The following PUS3 variants were observed in gnomAD, a reference collection of about 807,000 sequenced individuals.
PUS3 encodes the protein tRNA pseudouridine(38/39) synthase.
In PUS3, 36 loss-of-function variants were observed where a neutral mutation model predicts 43.3. The observed-to-expected ratio is 0.83, with a 90% CI of 0.64 to 1.10. The LOEUF is 1.10. PUS3 is among the 50% of genes least tolerant of loss of function. The pLI is 0.00. For synonymous variants in PUS3, 183 were observed against 199.2 expected (o/e 0.92, Z 0.69); for missense variants, 544 against 589.9 (o/e 0.92, Z 0.81).
At chr11:125,894,651 A>T (rs187915258) in intron 3 of PUS3, among the ~76,000 whole-genome samples, 1 of 152,364 alleles carries the variant, frequency 6.6e-6, no homozygotes, top group East Asian at 1.9e-4. Context: ...GCCTGTTCTC[A>T]AATGAAAAAT....
chr11:125,902,398 G>A (rs1944801855), intron 1 of PUS3, among the ~76,000 whole-genome samples: 1 of 151,986 alleles, frequency 6.6e-6, no homozygotes, highest in Non-Finnish European at 1.5e-5. Flanking sequence ...GGGGTCGCTC[G>A]AAGTCAGGAG....
chr11:125,900,080 C>G (rs367894289), intron 1 of PUS3: 1 of 1,614,144 alleles, frequency 6.2e-7, no homozygotes, highest in South Asian at 1.1e-5. Flanking sequence ...AAAGGAATTA[C>G]GCTGGGGTGT....
At chr11:125,900,561 C>T (rs886047940) in intron 1 of PUS3, 122 of 403,986 alleles carry the variant, frequency 3.0e-4, no homozygotes, top group Non-Finnish European at 5.3e-4. Context: ...CTTTTTTTAC[C>T]TATCAATATG....
rs144833612 is a variant in PUS3, at chr11:125,893,936, C to T, written c.1295G>A (p.Arg432His). 1.5e-5 allele frequency: 25 copies of T among 1,614,036 alleles called. No homozygotes were observed. Among genetic ancestry groups the T allele is most frequent in the African/African-American group, 9.3e-5 (7 of 74,906 alleles). Reference protein sequence around the residue: ...GLESRIQHFVRRGRIEHPHLF... With the variant: ...GLESRIQHFVHRGRIEHPHLF... ...ATGTGGGTGCTCAATTCGTCCCCTA[C>T]GTACAAAATGCTGGATCCGGGATTC... The change falls in exon 4 of 4, where the codon CGT becomes CAT. Residue 432 changes from arginine to histidine, a missense_variant. Transcript: ENST00000227474.
intron 1 of PUS3, among the ~76,000 whole-genome samples, chr11:125,897,241 A>G (rs1252303748): frequency 1.3e-5 from 2 of 152,194 alleles, no homozygotes; most frequent in Non-Finnish European, 2.9e-5. Flanking sequence ...TTCTGTATCT[A>G]TAATAGATTA....
rs3088241 is a variant in PUS3, at chr11:125,893,851, C to G, written c.1380G>C (p.Glu460Asp). The change falls in exon 4 of 4, where the codon GAG (glutamate) becomes GAC (aspartate). Residue 460 changes from glutamate (E) to aspartate (D), a missense_variant. Coordinates refer to ENST00000227474, the MANE Select transcript of PUS3 (RefSeq NM_031307.4). ...KRDCNDTLEEENTNLETPTKR... is the reference protein window; with the variant it reads ...KRDCNDTLEEDNTNLETPTKR... ...TCGTTGGTGTCTCCAAATTAGTATT[C>G]TCTTCCTCTAGTGTGTCATTACAGT... The G allele has an allele frequency of 0.5, 804,214 of 1,613,484 alleles. 201,370 individuals are homozygous for G. The highest frequency in any genetic ancestry group is 0.54 in the East Asian group (24,201 of 44,856).
chr11:125,894,438 C>T (rs1944513547), intron 3 of PUS3, 152 bp from the exon 4 acceptor site: 1 of 623,210 alleles, frequency 1.6e-6, no homozygotes. Flanking sequence ...CTCACCATCC[C>T]TAACCTTGAA....
At position 125,893,536 on chromosome 11, in the gene PUS3, G is replaced by A. The variant is rs1348966738; in HGVS notation, c.*249C>T. ...TTTGAATACAAGGCACAGGTTTCCAGGTGTATGTAAATACATCTCCATTTT... is the reference window on the plus strand; with the variant it reads ...TTTGAATACAAGGCACAGGTTTCCAAGTGTATGTAAATACATCTCCATTTT... On this transcript the variant is annotated 3_prime_UTR_variant, in exon 4 of 4. Transcript: ENST00000227474. The A allele has an allele frequency of 2.9e-6, 1 of 350,850 alleles. No individual in the cohort carries two copies. Among genetic ancestry groups the A allele is most frequent in the Non-Finnish European group, 5.1e-6 (1 of 196,410 alleles). 21.7% of individuals were successfully genotyped at this position (350,850 alleles called of 1,614,324 possible).
At chr11:125,899,039 C>A in intron 1 of PUS3, 1 of 273,564 alleles carries the variant, frequency 3.7e-6, no homozygotes, top group Non-Finnish European at 7.0e-6. Flanking sequence ...GTGCATTAAG[C>A]AGTATGCCCC....
At chr11:125,901,560 T>C (rs1257050429) in intron 1 of PUS3, among the ~76,000 whole-genome samples, 1 of 152,224 alleles carries the variant, frequency 6.6e-6, no homozygotes, top group Non-Finnish European at 1.5e-5. Context: ...AGTTCTAACA[T>C]AAAGGTGAAT....
Position 125,899,707 on chromosome 11 carries a change from G to A in PUS3, c.-46-3377C>T, listed in dbSNP as rs758782216. On this transcript the variant is annotated intron_variant, in intron 1 of 3. Transcript: ENST00000227474. ...GGGAAGTATTAGTAACAGATGAGTC[G>A]ATTATCAGTGAATCAGAATCTGGTA... 3.1e-6 allele frequency: 5 copies of A among 1,614,146 alleles called. No homozygotes were observed. The highest frequency in any genetic ancestry group is 2.2e-5 in the East Asian group (1 of 44,896).
In PUS3 at chr11:125,896,071, T is replaced by C. The variant is rs768437497; in HGVS notation, c.214A>G (p.Met72Val). 5 of 1,614,230 alleles carry C rather than the reference T, an allele frequency of 3.1e-6. No individual in the cohort carries two copies. Among genetic ancestry groups the C allele is most frequent in the East Asian group, 2.2e-5 (1 of 44,888 alleles). Residue 72 changes from methionine (M) to valine (V), a missense_variant, in exon 2 of 4, where the codon ATG (methionine) becomes GTG (valine). Transcript: ENST00000227474. ...GCAAAGCCCTGGTATCCCCAGCCCA[T>C]ATAGGCTATTCTTAGGGCTACGTGT... ...RRHVALRIAY[M>V]GWGYQGFASQ...
rs1241156847 is a variant in PUS3 at position 125,895,446 on chromosome 11, A to G, written c.722T>C (p.Ile241Thr). The G allele has an allele frequency of 1.2e-6, 2 of 1,614,132 alleles. No individual in the cohort carries two copies. The highest frequency in any genetic ancestry group is 8.5e-7 in the Non-Finnish European group (1 of 1,180,016). The stretch of plus-strand genomic sequence containing the variant: ...CACTAGCTGTACTTGAGCAGATAGA[A>G]TAGTCCTCTGAAAATTAATCACACC... The part of the protein sequence containing the change: ...ANGVINFQRT[I>T]LSAQVQLVGQ... Residue 241 changes from isoleucine to threonine, a missense_variant, in exon 3 of 4, where the codon ATT becomes ACT. By Grantham distance (89) the Ile-to-Thr change is moderately conservative. Coordinates refer to ENST00000227474, the MANE Select transcript of PUS3 (RefSeq NM_031307.4).
At chr11:125,899,880 C>G (rs1402568099) in intron 1 of PUS3, 1 of 1,614,066 alleles carries the variant, frequency 6.2e-7, no homozygotes, top group Non-Finnish European at 8.5e-7. Flanking sequence ...CTCATTTGCT[C>G]TCTACAAAGA....
intron 1 of PUS3, chr11:125,899,725 A>G: frequency 1.9e-6 from 3 of 1,614,216 alleles, no homozygotes; most frequent in Non-Finnish European, 2.5e-6. Flanking sequence ...GTGAATCAGA[A>G]TCTGGTACAG....
At chr11:125,894,684 C>T (rs1035975039) in intron 3 of PUS3, among the ~76,000 whole-genome samples, 6 of 152,128 alleles carry the variant, frequency 3.9e-5, no homozygotes, top group Non-Finnish European at 8.8e-5. Context: ...TTCTTTCCTA[C>T]CATTTTGGAA....
At chr11:125,900,038 G>A (rs756606508) in intron 1 of PUS3, 1 of 1,614,212 alleles carries the variant, frequency 6.2e-7, no homozygotes, top group East Asian at 2.2e-5. Flanking sequence ...ACGGGACTGG[G>A]ACTCAATACG....
intron 1 of PUS3, 76 bp downstream of exon 1, chr11:125,903,094 C>G (rs1944821142): frequency 1.5e-6 from 1 of 685,794 alleles, no homozygotes; most frequent in Non-Finnish European, 1.8e-6. Context: ...AACAGACAAC[C>G]GTTCAGCAGT....
intron 1 of PUS3, 71 bp from the exon 2 acceptor site, chr11:125,896,401 G>T: frequency 8.7e-6 from 9 of 1,039,836 alleles, no homozygotes; most frequent in Non-Finnish European, 1.3e-5. Context: ...TGGTATATAA[G>T]ATTTAATTTA....
Sources: gnomAD v4.1 joint callset for allele counts (sites outside exome capture counted in the v4.1 genomes callset) on GRCh38, gnomAD v4.1.1 for gene constraint, MANE v1.5 for transcripts, NCBI Gene and HGNC (gene_info 2026-07-23, HGNC 2026-07-21) for gene names.